The following ASAP2 variants were observed in gnomAD, a reference collection of about 807,000 sequenced individuals.
ASAP2 encodes ArfGAP with SH3 domain, ankyrin repeat and PH domain 2.
Under a neutral mutation model 131.4 loss-of-function variants are expected in ASAP2, and 45 were observed. That is an observed-to-expected ratio of 0.34 (90% CI 0.27 to 0.44). ASAP2 has a LOEUF of 0.44. ASAP2 is among the 20% of genes least tolerant of loss of function. The pLI is 1.00. For missense variants in ASAP2, 1,011 were observed against 1,297.0 expected, an observed-to-expected ratio of 0.78 and a Z score of 3.39; for synonymous variants, 510 against 503.0, an observed-to-expected ratio of 1.01 and a Z score of -0.19.
intron 6 of ASAP2, among the ~76,000 whole-genome samples, chr2:9,324,364 G>A (rs890044781): frequency 6.6e-6 from 1 of 152,224 alleles, no homozygotes; most frequent in African/African-American, 2.4e-5. Flanking sequence ...TCTAATGTTA[G>A]AATATCTACT....
At chr2:9,381,948 C>G (rs562345287) in intron 20 of ASAP2, among the ~76,000 whole-genome samples, 5 of 149,172 alleles carry the variant, frequency 3.4e-5, no homozygotes, top group African/African-American at 5.0e-5. Flanking sequence ...GGTCCTCTTT[C>G]TAAGCACTGT....
intron 1 of ASAP2, among the ~76,000 whole-genome samples, chr2:9,215,789 A>G (rs898196556): frequency 1.4e-4 from 22 of 151,912 alleles, no homozygotes; most frequent in African/African-American, 5.3e-4. Flanking sequence ...AGCTGAGAAG[A>G]GTTGCACCCT....
At chr2:9,368,350 G>C in intron 15 of ASAP2, 75 bp from the exon 16 acceptor site, 1 of 1,327,682 alleles carries the variant, frequency 7.5e-7, no homozygotes, top group Non-Finnish European at 1.1e-6. Context: ...TAAATCATCA[G>C]ATGGGGATGG....
At chr2:9,402,408 A>T (rs1331316067) in intron 27 of ASAP2, among the ~76,000 whole-genome samples, 1 of 152,164 alleles carries the variant, frequency 6.6e-6, no homozygotes, top group Non-Finnish European at 1.5e-5. Flanking sequence ...GGCAGGCGGA[A>T]CACTTGAGGT....
At position 9,401,142 on chromosome 2, in the gene ASAP2, C is replaced by T. The variant is rs553695765; in HGVS notation, c.2824-132C>T. 20 of 1,147,486 alleles carry T rather than the reference C, an allele frequency of 1.7e-5. No individual in the cohort carries two copies. The South Asian group carries it at 2.6e-4, about 15-fold the overall frequency. The allele number at this position is 1,147,486 out of a possible 1,614,324, so 71.1% of individuals were successfully genotyped here. On this transcript the variant is annotated intron_variant, in intron 26 of 27. Coordinates refer to ENST00000281419, the MANE Select transcript of ASAP2 (RefSeq NM_003887.3). ...TCCTGAGCTGCACTGACCTGCCCCA[C>T]CTTGGCATCTGCAGGCTTCTCAGGC... is the stretch of plus-strand genomic sequence containing the variant.
intron 1 of ASAP2, among the ~76,000 whole-genome samples, chr2:9,221,958 TA>T (rs1281404985): frequency 6.6e-6 from 1 of 151,542 alleles, no homozygotes; most frequent in Non-Finnish European, 1.5e-5. Context: ...CACGCCTGGC[TA>T]ATTTTTTTTT....
intron 1 of ASAP2, among the ~76,000 whole-genome samples, chr2:9,264,133 AG>A (rs1262716150): frequency 2.0e-5 from 3 of 151,536 alleles, no homozygotes; most frequent in East Asian, 3.9e-4. Context: ...GAGAGGTTGC[AG>A]TGAGCCAAGA....
At chr2:9,376,399 G>T (rs925987164) in intron 17 of ASAP2, among the ~76,000 whole-genome samples, 4 of 152,384 alleles carry the variant, frequency 2.6e-5, no homozygotes, top group East Asian at 1.9e-4. Context: ...TTCAGAAAAG[G>T]CAGTGGAGTT....
chr2:9,287,796 CAAT>C lies in ASAP2; in HGVS notation c.199+8408_199+8410del, dbSNP rs527925101. 3.1e-3 allele frequency among the ~76,000 whole-genome samples: 478 copies of C among 152,260 alleles called. 1 individual carries two copies. The highest frequency in any genetic ancestry group is 0.011 in the African/African-American group (452 of 41,536). On this transcript the variant is annotated intron_variant, in intron 2 of 27. Transcript: ENST00000281419. ...CCTTCTCCCCGCTGCTGGCTAACAA[CAAT>C]GATTGGAATTTAGATGGTGACTTGT...
chr2:9,367,263 G>A lies in ASAP2; in HGVS notation c.1462-1162G>A, dbSNP rs111459392. 6.6e-3 allele frequency among the ~76,000 whole-genome samples: 1,006 copies of A among 151,694 alleles called. 11 individuals are homozygous for A. The highest frequency in any genetic ancestry group is 0.023 in the African/African-American group (952 of 41,368). On this transcript the variant is annotated intron_variant, in intron 15 of 27. Coordinates refer to ENST00000281419, the MANE Select transcript of ASAP2 (RefSeq NM_003887.3). ...GCCCAGGCTAGTCTCGAACTCCTGA[G>A]CTCAGCCGATCCACCCGCCTCGGCC...
chr2:9,251,030 A>G (rs1664667597), intron 1 of ASAP2, among the ~76,000 whole-genome samples: 1 of 152,234 alleles, frequency 6.6e-6, no homozygotes, highest in African/African-American at 2.4e-5. Flanking sequence ...GGATCTTGAA[A>G]GGTCTGTAGA....
intron 1 of ASAP2, among the ~76,000 whole-genome samples, chr2:9,264,984 A>G (rs1002632339): frequency 1.3e-5 from 2 of 152,110 alleles, no homozygotes. Context: ...AAAAATTTGA[A>G]AATTAGCCGG....
At chr2:9,321,485 G>A (rs766123083) in intron 5 of ASAP2, among the ~76,000 whole-genome samples, 2 of 152,312 alleles carry the variant, frequency 1.3e-5, no homozygotes, top group Admixed American at 6.5e-5. Context: ...TTATTTGTGT[G>A]CCAGTTGGGT....
Position 9,281,528 on chromosome 2 carries a change from C to T in ASAP2, c.199+2139C>T, listed in dbSNP as rs1390958179. 6.6e-6 allele frequency among the ~76,000 whole-genome samples: 1 copy of T among 152,164 alleles called. No individual in the cohort carries two copies. The highest frequency in any genetic ancestry group is 6.5e-5 in the Admixed American group (1 of 15,268). On this transcript the variant is annotated intron_variant, in intron 2 of 27. Coordinates refer to ENST00000281419, the MANE Select transcript of ASAP2 (RefSeq NM_003887.3). This position sits in a 1 kb window ranked among gnomAD's most constrained non-coding sequence, Gnocchi z 4.0. ...AAACCTCATTCCTATTTCTAACCAC[C>T]CCCAAGCGTCGTTTGCTAAAATGCA... is the stretch of plus-strand genomic sequence containing the variant.
At chr2:9,259,119 G>A (rs1313150812) in intron 1 of ASAP2, among the ~76,000 whole-genome samples, 2 of 152,224 alleles carry the variant, frequency 1.3e-5, no homozygotes, top group African/African-American at 4.8e-5. Flanking sequence ...CCCCTTACTT[G>A]CTGCTGCCCA....
In ASAP2 at chr2:9,254,236, A is replaced by AAT. The variant is rs34570938; in HGVS notation, c.127-25063_127-25062dup. On this transcript the variant is annotated intron_variant, in intron 1 of 27. Coordinates refer to ENST00000281419, the MANE Select transcript of ASAP2 (RefSeq NM_003887.3). ...AAAAAAAAAAAAAAAAAAAAAAAAAAATATATATATATATATATACACGTG... is the reference window on the plus strand; with the variant it reads ...AAAAAAAAAAAAAAAAAAAAAAAAAAATATATATATATATATATATACACGTG... Among the ~76,000 whole-genome samples the AAT allele has an allele frequency of 1.0e-2, 470 of 47,092 alleles. 31 individuals are homozygous for AAT. The highest frequency in any genetic ancestry group is 0.037 in the Middle Eastern group (2 of 54). The allele number at this position is 47,092 out of a possible 152,430, so 30.9% of individuals were successfully genotyped here.
At position 9,385,260 on chromosome 2, in the gene ASAP2, T is replaced by C. The variant is rs377423224; in HGVS notation, c.2032T>C (p.Ser678Pro). 23 of 1,613,830 alleles carry C rather than the reference T, an allele frequency of 1.4e-5. No individual in the cohort carries two copies. The highest frequency in any genetic ancestry group is 2.7e-5 in the African/African-American group (2 of 74,926). ...HCEELLTQAL[S>P]GRFNSHVHVE... ...GTTCTCTCAGCTGACCCAAGCCTTA[T>C]CTGGAAGATTTAATTCTCACGTTCA... The change falls in exon 21 of 28, where the codon TCT becomes CCT. Residue 678 changes from serine (S) to proline (P), a missense_variant. This residue lies in a region of ASAP2 where 652 missense variants were observed against 698.9 expected (regional missense o/e 0.93). Transcript: ENST00000281419.
intron 1 of ASAP2, among the ~76,000 whole-genome samples, chr2:9,274,426 G>A (rs192596748): frequency 1.5e-4 from 22 of 149,128 alleles, no homozygotes; most frequent in Middle Eastern, 3.5e-3. Flanking sequence ...AGGTTCAAGC[G>A]ATTCTCCTGC....
chr2:9,332,244 T>A (rs556223455), intron 7 of ASAP2, among the ~76,000 whole-genome samples: 48 of 152,140 alleles, frequency 3.2e-4, no homozygotes, highest in Non-Finnish European at 6.3e-4. Flanking sequence ...GAAAATTTTC[T>A]GGGGCTATGT....
Sources: gnomAD v4.1 joint callset for allele counts (sites outside exome capture counted in the v4.1 genomes callset) on GRCh38, gnomAD v4.1.1 for gene constraint, gnomAD v4.1.1 regional missense constraint, Gnocchi (gnomAD v3.1) non-coding constraint, MANE v1.5 for transcripts, NCBI Gene and HGNC (gene_info 2026-07-23, HGNC 2026-07-21) for gene names.